The following PRKN variants were observed in gnomAD, a reference collection of about 807,000 sequenced individuals.
The protein encoded by PRKN is E3 ubiquitin-protein ligase parkin.
Under a neutral mutation model 59.5 loss-of-function variants are expected in PRKN, and 56 were observed. That is an observed-to-expected ratio of 0.94 (90% CI 0.76 to 1.18). PRKN has a LOEUF of 1.18. Among genes scored for constraint, PRKN ranks in the 50% most tolerant of loss-of-function variants. The pLI, the probability that PRKN is intolerant of heterozygous loss-of-function variation, is 0.00. For missense variants in PRKN, 657 were observed against 596.4 expected, an observed-to-expected ratio of 1.10 and a Z score of -1.06; for synonymous variants, 250 against 222.1, an observed-to-expected ratio of 1.13 and a Z score of -1.12.
At chr6:162,515,457 T>C (rs1268451470) in intron 1 of PRKN, among the ~76,000 whole-genome samples, 1 of 152,160 alleles carries the variant, frequency 6.6e-6, no homozygotes, top group East Asian at 1.9e-4. Flanking sequence ...TAAAAAGCCA[T>C]ATAGTCATGT....
chr6:161,361,967 A>AT lies in PRKN; in HGVS notation c.1168-1763dup, dbSNP rs1784992710. On this transcript the variant is annotated intron_variant, in intron 10 of 11. Transcript: ENST00000366898. The surrounding 1 kb of genome is among the most constrained non-coding windows in gnomAD (Gnocchi z 5.2). Reference sequence around the variant, plus strand: ...CGTCAGTGACACGTGGCAAACACCCATCCCCCCACCGACCTGCACCCCAAC... The same window carrying AT: ...CGTCAGTGACACGTGGCAAACACCCATTCCCCCCACCGACCTGCACCCCAAC... 6.6e-6 allele frequency among the ~76,000 whole-genome samples: 1 copy of AT among 151,972 alleles called. No homozygotes were observed. The highest frequency in any genetic ancestry group is 2.4e-5 in the African/African-American group (1 of 41,350).
intron 2 of PRKN, among the ~76,000 whole-genome samples, chr6:162,334,146 C>G (rs999452831): frequency 1.3e-5 from 2 of 152,166 alleles, no homozygotes; most frequent in Admixed American, 6.5e-5. Flanking sequence ...CTGTCTCCAT[C>G]ATGTAAAAAT....
chr6:162,400,884 T>C (rs961687128), intron 2 of PRKN, among the ~76,000 whole-genome samples: 1 of 152,206 alleles, frequency 6.6e-6, no homozygotes, highest in Admixed American at 6.5e-5. Context: ...GAGTACAATG[T>C]AATATACACT....
At chr6:162,351,100 G>C (rs1340055901) in intron 2 of PRKN, among the ~76,000 whole-genome samples, 2 of 152,102 alleles carry the variant, frequency 1.3e-5, no homozygotes, top group Admixed American at 6.6e-5. Flanking sequence ...TGAGATGGGA[G>C]GATCACTTGA....
chr6:162,205,882 T>C (rs2128332539), intron 3 of PRKN, among the ~76,000 whole-genome samples: 1 of 152,144 alleles, frequency 6.6e-6, no homozygotes, highest in East Asian at 1.9e-4. Flanking sequence ...TGTCTGTGGG[T>C]AGCAGCTACC....
intron 1 of PRKN, among the ~76,000 whole-genome samples, chr6:162,675,028 T>TTTTATTTA (rs139787389): frequency 3.9e-4 from 58 of 148,530 alleles, no homozygotes; most frequent in African/African-American, 6.5e-4. Flanking sequence ...GAAGACTTTA[T>TTTTATTTA]TTTATTTATT....
chr6:161,817,798 G>A (rs188261056), intron 6 of PRKN, among the ~76,000 whole-genome samples: 9 of 152,234 alleles, frequency 5.9e-5, no homozygotes, highest in South Asian at 2.1e-4. Context: ...CTCCTACAGC[G>A]TAAGAAATCT....
In PRKN at chr6:162,563,045, G is replaced by C. The variant is rs180884261; in HGVS notation, c.8-119572C>G. On this transcript the variant is annotated intron_variant, in intron 1 of 11. Coordinates refer to ENST00000366898, the MANE Select transcript of PRKN (RefSeq NM_004562.3). Reference sequence around the variant, plus strand: ...GAGCCGGGCGCAGTGGCTCACGCCTGTAATCCCAGCACTCTGGGAGGCCGA... The same window carrying C: ...GAGCCGGGCGCAGTGGCTCACGCCTCTAATCCCAGCACTCTGGGAGGCCGA... 4.8e-4 allele frequency among the ~76,000 whole-genome samples: 73 copies of C among 152,330 alleles called. No homozygotes were observed. The East Asian group carries it at 0.013, about 27-fold the overall frequency.
intron 2 of PRKN, among the ~76,000 whole-genome samples, chr6:162,301,974 A>G (rs1016412367): frequency 1.2e-4 from 18 of 152,116 alleles, no homozygotes; most frequent in Non-Finnish European, 1.6e-4. Flanking sequence ...CTAAACTTGT[A>G]TCAAACCAAA....
chr6:162,116,433 G>A (rs1260403538), intron 4 of PRKN, among the ~76,000 whole-genome samples: 1 of 152,136 alleles, frequency 6.6e-6, no homozygotes, highest in Non-Finnish European at 1.5e-5. Flanking sequence ...GGAAAGGGAC[G>A]ACATCATAAA....
At position 162,365,336 on chromosome 6, in the gene PRKN, T is replaced by C. The variant is rs145852073; in HGVS notation, c.171+77974A>G. Among the ~76,000 whole-genome samples the C allele has an allele frequency of 1.5e-3, 234 of 152,326 alleles. No individual in the cohort carries two copies. The South Asian group carries it at 0.018, about 12-fold the overall frequency. ...TCAGTAAATACAGAGCTTTCTATTT[T>C]TTTCATGTCTAGACAGTACTTTACA... On this transcript the variant is annotated intron_variant, in intron 2 of 11. Coordinates refer to ENST00000366898, the MANE Select transcript of PRKN (RefSeq NM_004562.3).
intron 6 of PRKN, among the ~76,000 whole-genome samples, chr6:161,864,608 G>T (rs1303435883): frequency 6.6e-6 from 1 of 151,894 alleles, no homozygotes; most frequent in East Asian, 1.9e-4. Flanking sequence ...ATCTAGAATG[G>T]TGAATTCTTT....
chr6:162,313,811 A>C (rs1031734070), intron 2 of PRKN, among the ~76,000 whole-genome samples: 4 of 152,106 alleles, frequency 2.6e-5, no homozygotes, highest in African/African-American at 7.2e-5. Flanking sequence ...TTGTTTATCC[A>C]TTCACACATC....
At chr6:162,015,055 A>C (rs1782882779) in intron 5 of PRKN, among the ~76,000 whole-genome samples, 1 of 152,208 alleles carries the variant, frequency 6.6e-6, no homozygotes, top group Non-Finnish European at 1.5e-5. Context: ...ATCTTGAGTA[A>C]ACTTGCAGCA....
chr6:162,185,044 A>G (rs186943169), intron 4 of PRKN, among the ~76,000 whole-genome samples: 1 of 152,158 alleles, frequency 6.6e-6, no homozygotes, highest in African/African-American at 2.4e-5. Flanking sequence ...TAATAAAGAC[A>G]AAAGTGGCAT....
chr6:161,516,467 TAAAAAAA>T (rs376373455), intron 9 of PRKN, among the ~76,000 whole-genome samples: 1 of 23,146 alleles, frequency 4.3e-5, no homozygotes, highest in African/African-American at 1.7e-4. Flanking sequence ...AGGCTCCTTC[TAAAAAAA>T]AAAAAAAAAA....
At position 161,579,366 on chromosome 6, in the gene PRKN, C is replaced by T. The variant is rs953521319; in HGVS notation, c.872-9950G>A. ...AGTTAAATAGGGTCTAGAGGGTCAG[C>T]GGGGCACCTAATTATCATGGTTAAT... On this transcript the variant is annotated intron_variant, in intron 7 of 11. Transcript: ENST00000366898. This position sits in a 1 kb window ranked among gnomAD's most constrained non-coding sequence, Gnocchi z 4.2. Among the ~76,000 whole-genome samples, 4 of 152,082 alleles carry T rather than the reference C, an allele frequency of 2.6e-5. No individual in the cohort carries two copies. The highest frequency in any genetic ancestry group is 6.6e-5 in the Admixed American group (1 of 15,258).
rs906229967 is a variant in PRKN, at chr6:162,606,022, A to T, written c.7+121640T>A. On this transcript the variant is annotated intron_variant, in intron 1 of 11. Transcript: ENST00000366898. Reference sequence around the variant, plus strand: ...AGTTTATTGTTAATCTTAGATTCCAAGGCCATACAGCAAAACCTTTCATCC... The same window carrying T: ...AGTTTATTGTTAATCTTAGATTCCATGGCCATACAGCAAAACCTTTCATCC... Among the ~76,000 whole-genome samples the T allele has an allele frequency of 1.1e-4, 16 of 152,326 alleles. No homozygotes were observed. In the East Asian group the frequency reaches 1.5e-3, roughly 15 times the overall value.
At chr6:162,458,453 A>C (rs1791010417) in intron 1 of PRKN, among the ~76,000 whole-genome samples, 1 of 150,396 alleles carries the variant, frequency 6.6e-6, no homozygotes, top group Non-Finnish European at 1.5e-5. Context: ...AATTTTTTTT[A>C]AATTAATAGA....
Sources: allele counts gnomAD v4.1 joint callset (sites outside exome capture counted in the v4.1 genomes callset), GRCh38; gene constraint gnomAD v4.1.1; non-coding constraint Gnocchi (gnomAD v3.1); transcripts MANE v1.5; gene names NCBI Gene and HGNC (gene_info 2026-07-23, HGNC 2026-07-21).